TOGARAM2: variants seen among roughly 807,000 people sequenced by gnomAD.
The protein encoded by TOGARAM2 is TOG array regulator of axonemal microtubules 2.
Under a neutral mutation model 93.3 loss-of-function variants are expected in TOGARAM2, and 85 were observed. The observed-to-expected ratio is 0.91, with a 90% confidence interval of 0.76 to 1.09. The LOEUF is 1.09. Ranked by LOEUF, TOGARAM2 falls within the 50% of genes least tolerant of loss-of-function variation. TOGARAM2 has a pLI of 0.00. For missense variants in TOGARAM2, 1,277 were observed against 1,334.5 expected (o/e 0.96, Z 0.67); for synonymous variants, 593 against 552.8 (o/e 1.07, Z -1.02).
rs964672855 is a variant in TOGARAM2, at chr2:29,024,425, C to T, written c.1853+51C>T. On this transcript the variant is annotated intron_variant, in intron 13 of 19. Coordinates refer to ENST00000379558, the MANE Select transcript of TOGARAM2 (RefSeq NM_199280.4). ...GGCGGGGAAGTCAGGGAAGGTAAGGCAAGGGGAGAGGCCCTGGGATGTGAA... is the reference window on the plus strand; with the variant it reads ...GGCGGGGAAGTCAGGGAAGGTAAGGTAAGGGGAGAGGCCCTGGGATGTGAA... 1.8e-4 allele frequency: 239 copies of T among 1,300,256 alleles called. No homozygotes were observed. Among genetic ancestry groups the T allele is most frequent in the Admixed American group, 9.3e-4 (42 of 45,386 alleles). The allele number at this position is 1,300,256 out of a possible 1,614,324, so 80.5% of individuals were successfully genotyped here. A position where few individuals can be genotyped will look rare whatever the true frequency, so the allele number is the denominator to read the frequency against.
intron 14 of TOGARAM2, among the ~76,000 whole-genome samples, chr2:29,029,262 T>TAC (rs1192229516): frequency 5.4e-5 from 5 of 93,224 alleles, no homozygotes; most frequent in East Asian, 3.2e-4. Context: ...TGTATGTGTG[T>TAC]ATACACACAC....
upstream of TOGARAM2, among the ~76,000 whole-genome samples, chr2:28,977,071 G>T (rs767616424): frequency 6.6e-6 from 1 of 152,238 alleles, no homozygotes; most frequent in Non-Finnish European, 1.5e-5. Context: ...TCCTCAGCCT[G>T]GGCCAGGGCC....
At position 29,022,183 on chromosome 2, in the gene TOGARAM2, G is replaced by T. The variant is rs527747733; in HGVS notation, c.1386G>T (p.Thr462=). ...CTAACTCATTACCTGCGGTGCTCAC[G>T]TTGGGGTCTCCTGAATGGGAAGAAG... ...ASANSLPAVL[T]LGSPEWEEEE... Residue 462 remains threonine (T), a synonymous_variant, in exon 11 of 20, where the codon ACG becomes ACT. Coordinates refer to ENST00000379558, the MANE Select transcript of TOGARAM2 (RefSeq NM_199280.4). 3 of 1,613,920 alleles carry T rather than the reference G, an allele frequency of 1.9e-6. No homozygotes were observed. Among genetic ancestry groups the T allele is most frequent in the East Asian group, 2.2e-5 (1 of 44,894 alleles).
At chr2:29,000,849 C>G (rs963209771) in intron 4 of TOGARAM2, among the ~76,000 whole-genome samples, 2 of 152,170 alleles carry the variant, frequency 1.3e-5, no homozygotes, top group Non-Finnish European at 2.9e-5. Flanking sequence ...TTGGAATGCC[C>G]GAGAAGCTTC....
Position 29,003,596 on chromosome 2 carries a change from G to T in TOGARAM2, c.744G>T (p.Ala248=). ...PPIPKARTVA[A]TPSRVPGSLP... ...TCCCAAAGGCCAGGACGGTTGCAGC[G>T]ACCCCCTCCCGTGTGCCTGGCTCCC... The change falls in exon 6 of 20, where the codon GCG becomes GCT. Residue 248 remains alanine, a synonymous_variant. Transcript: ENST00000379558. The T allele has an allele frequency of 6.3e-7, 1 of 1,594,546 alleles. No individual in the cohort carries two copies. The highest frequency in any genetic ancestry group is 1.1e-5 in the South Asian group (1 of 87,462).
At chr2:29,043,561 G>A (rs1243707783) in intron 18 of TOGARAM2, among the ~76,000 whole-genome samples, 1 of 26,816 alleles carries the variant, frequency 3.7e-5, no homozygotes, top group Non-Finnish European at 9.2e-5. Flanking sequence ...TACACGTGCT[G>A]GGCTGCTGTG....
intron 5 of TOGARAM2, 86 bp from the exon 6 acceptor site, chr2:29,003,406 T>C: frequency 5.1e-6 from 6 of 1,171,154 alleles, no homozygotes; most frequent in Non-Finnish European, 6.8e-6. Context: ...AGACAGCAGG[T>C]CCCACACTGT....
At chr2:29,045,501 G>A (rs1445166664) in intron 19 of TOGARAM2, 91 bp downstream of exon 19, 1 of 1,118,108 alleles carries the variant, frequency 8.9e-7, no homozygotes, top group Non-Finnish European at 1.3e-6. Flanking sequence ...AGTTATCTTA[G>A]ACCTGAAATA....
At chr2:29,051,173 T>G (rs1189858015) in intron 19 of TOGARAM2, 3 of 152,248 alleles carry the variant, frequency 2.0e-5, no homozygotes, top group African/African-American at 7.2e-5. Flanking sequence ...TCTCTGTATT[T>G]GTGTGGACTT....
intron 1 of TOGARAM2, among the ~76,000 whole-genome samples, chr2:28,984,115 C>T (rs1672356582): frequency 6.6e-6 from 1 of 152,038 alleles, no homozygotes; most frequent in Non-Finnish European, 1.5e-5. Flanking sequence ...GTTTGAATTA[C>T]AGACCCAGGC....
intron 6 of TOGARAM2, among the ~76,000 whole-genome samples, chr2:29,006,105 TGTGGA>T (rs1293820814): frequency 1.2e-4 from 7 of 56,008 alleles, no homozygotes; most frequent in Admixed American, 4.2e-4. Flanking sequence ...GGTGCATGTG[TGTGGA>T]GTGCATATGT....
At position 29,024,253 on chromosome 2, in the gene TOGARAM2, C is replaced by G. The variant is rs1665177143; in HGVS notation, c.1732C>G (p.Leu578Val). 2.5e-6 allele frequency: 4 copies of G among 1,612,506 alleles called. No homozygotes were observed. The highest frequency in any genetic ancestry group is 3.4e-6 in the Non-Finnish European group (4 of 1,179,314). ...QEAEEIARCL[L>V]QKMADTNEFI... The stretch of plus-strand genomic sequence containing the variant: ...GGCCGAGGAGATCGCCCGCTGCTTG[C>G]TGCAGAAGATGGCGGACACCAACGA... Residue 578 changes from leucine (L) to valine (V), a missense_variant, in exon 13 of 20, where the codon CTG becomes GTG. Transcript: ENST00000379558.
At chr2:29,022,527 C>G (rs1040513517) in intron 11 of TOGARAM2, among the ~76,000 whole-genome samples, 1 of 152,122 alleles carries the variant, frequency 6.6e-6, no homozygotes, top group Admixed American at 6.5e-5. Context: ...ATGTGTGTGC[C>G]CTGCGACCCT....
upstream of TOGARAM2, among the ~76,000 whole-genome samples, chr2:28,980,407 C>T (rs748279214): frequency 6.6e-6 from 1 of 152,236 alleles, no homozygotes; most frequent in Non-Finnish European, 1.5e-5. Context: ...CTGTGTGTTC[C>T]ACACACCTGC....
At chr2:28,991,442 C>G (rs1672728310) in intron 1 of TOGARAM2, among the ~76,000 whole-genome samples, 1 of 152,234 alleles carries the variant, frequency 6.6e-6, no homozygotes, top group Non-Finnish European at 1.5e-5. Context: ...CCTTTCCCCT[C>G]AGCCTGGCTC....
chr2:29,040,951 T>C (rs751580324), intron 18 of TOGARAM2, among the ~76,000 whole-genome samples: 15 of 152,050 alleles, frequency 9.9e-5, no homozygotes, highest in Non-Finnish European at 1.8e-4. Context: ...TGTGGTGTTA[T>C]ACATTTGGAT....
intron 14 of TOGARAM2, among the ~76,000 whole-genome samples, chr2:29,029,754 TA>T (rs764355917): frequency 1.9e-3 from 236 of 126,810 alleles, no homozygotes; most frequent in Middle Eastern, 4.1e-3. Flanking sequence ...AGGCTCTGTC[TA>T]AAAAAAAAAA....
chr2:28,972,906 T>C (rs771149257), intron 1 of TOGARAM2, among the ~76,000 whole-genome samples: 1 of 152,184 alleles, frequency 6.6e-6, no homozygotes, highest in Admixed American at 6.5e-5. Context: ...GAAAGCCTTT[T>C]GTTAGAGCCA....
At chr2:29,014,896 C>A (rs1225455361) in intron 8 of TOGARAM2, among the ~76,000 whole-genome samples, 4 of 152,084 alleles carry the variant, frequency 2.6e-5, no homozygotes, top group African/African-American at 9.7e-5. Context: ...GGGGAGAGAG[C>A]AGGAAGCCTT....
Sources: gnomAD v4.1 joint callset for allele counts (sites outside exome capture counted in the v4.1 genomes callset) on GRCh38, gnomAD v4.1.1 for gene constraint, MANE v1.5 for transcripts, NCBI Gene and HGNC (gene_info 2026-07-23, HGNC 2026-07-21) for gene names.